NELL1: variants seen among roughly 807,000 people sequenced by gnomAD.
NELL1 encodes the protein protein kinase C-binding protein NELL1.
A neutral mutation model predicts 107.4 loss-of-function variants in NELL1; 76 were observed. The ratio of observed to expected loss-of-function variants is 0.71; its 90% CI spans 0.59 to 0.86. The LOEUF (loss-of-function observed/expected upper bound fraction) is 0.86. NELL1 is among the 40% of genes least tolerant of loss of function. NELL1 has a pLI of 0.00. For synonymous variants in NELL1, 353 were observed against 341.2 expected (o/e 1.03, Z -0.38); for missense variants, 1,024 against 1,005.5 (o/e 1.02, Z -0.25).
intron 16 of NELL1, among the ~76,000 whole-genome samples, chr11:21,554,358 G>A (rs905927872): frequency 6.6e-6 from 1 of 151,822 alleles, no homozygotes; most frequent in African/African-American, 2.4e-5. Flanking sequence ...TCAGATTAAG[G>A]CTCAGAGAAA....
chr11:20,768,502 A>G (rs1022914173), intron 2 of NELL1, among the ~76,000 whole-genome samples: 3 of 152,226 alleles, frequency 2.0e-5, no homozygotes, highest in African/African-American at 7.2e-5. Context: ...CCTCCTTCCC[A>G]GTGATGGCCA....
At chr11:21,330,285 C>A (rs1369253730) in intron 14 of NELL1, among the ~76,000 whole-genome samples, 2 of 152,068 alleles carry the variant, frequency 1.3e-5, no homozygotes, top group African/African-American at 2.4e-5. Context: ...TTTATACTGT[C>A]TTTAAAAATT....
At chr11:21,571,589 C>T (rs552746940) in intron 18 of NELL1, among the ~76,000 whole-genome samples, 1 of 151,702 alleles carries the variant, frequency 6.6e-6, no homozygotes, top group African/African-American at 2.4e-5. Context: ...TTAATACTTC[C>T]TACCTTGAAA....
At chr11:21,279,438 G>C (rs74862758) in intron 14 of NELL1, among the ~76,000 whole-genome samples, 2,267 of 152,146 alleles carry the variant, frequency 0.015, 71 homozygotes, top group African/African-American at 0.052. Flanking sequence ...TGAACAACCT[G>C]ATTAAAAAAT....
At chr11:20,954,064 C>G (rs184856967) in intron 11 of NELL1, among the ~76,000 whole-genome samples, 171 of 152,284 alleles carry the variant, frequency 1.1e-3, no homozygotes, top group African/African-American at 4.0e-3. Context: ...CTCTGTGTAC[C>G]TTCCACAAGT....
At chr11:20,987,685 C>T (rs1851880744) in intron 12 of NELL1, among the ~76,000 whole-genome samples, 1 of 152,166 alleles carries the variant, frequency 6.6e-6, no homozygotes, top group African/African-American at 2.4e-5. Flanking sequence ...ATGGGAACTA[C>T]AGTTCAAGAT....
chr11:21,113,826 C>T, intron 13 of NELL1, 112 bp downstream of exon 13: 2 of 1,123,474 alleles, frequency 1.8e-6, no homozygotes, highest in Non-Finnish European at 1.2e-6. Flanking sequence ...CTAAATAGTT[C>T]TTCTCTTTAT....
At chr11:20,894,770 C>T (rs1849689459) in intron 5 of NELL1, among the ~76,000 whole-genome samples, 1 of 152,112 alleles carries the variant, frequency 6.6e-6, no homozygotes. Flanking sequence ...ACTCTAGGTA[C>T]CTAATGTCTA....
intron 15 of NELL1, among the ~76,000 whole-genome samples, chr11:21,529,435 G>C (rs1485661585): frequency 6.6e-6 from 1 of 152,170 alleles, no homozygotes; most frequent in African/African-American, 2.4e-5. Context: ...GTCTTTGCAT[G>C]TTATGTTCAG....
intron 16 of NELL1, among the ~76,000 whole-genome samples, chr11:21,552,368 G>A (rs573270771): frequency 4.6e-4 from 70 of 151,842 alleles, no homozygotes; most frequent in African/African-American, 1.5e-3. Context: ...ATTTATCAGA[G>A]AGTCTGCTCA....
At chr11:21,198,449 G>A (rs923799784) in intron 13 of NELL1, among the ~76,000 whole-genome samples, 7 of 152,188 alleles carry the variant, frequency 4.6e-5, no homozygotes, top group African/African-American at 1.7e-4. Context: ...ATATTATGAT[G>A]TCCATTTTTG....
At chr11:20,687,535 G>A (rs1854337357) in intron 2 of NELL1, among the ~76,000 whole-genome samples, 1 of 151,854 alleles carries the variant, frequency 6.6e-6, no homozygotes, top group Non-Finnish European at 1.5e-5. Context: ...TGAATATTAG[G>A]AAGATAATGT....
intron 13 of NELL1, among the ~76,000 whole-genome samples, chr11:21,153,101 G>A (rs952220872): frequency 6.6e-6 from 1 of 152,064 alleles, no homozygotes; most frequent in Non-Finnish European, 1.5e-5. Context: ...CCCTCTTAAC[G>A]TTCTTAGAGT....
chr11:21,202,529 A>C (rs1175018673), intron 13 of NELL1, among the ~76,000 whole-genome samples: 1 of 151,970 alleles, frequency 6.6e-6, no homozygotes, highest in Non-Finnish European at 1.5e-5. Context: ...CTTCTTTATT[A>C]GTCTGGCTAG....
chr11:21,573,711 A>C (rs1418855335), intron 19 of NELL1, among the ~76,000 whole-genome samples: 1 of 151,858 alleles, frequency 6.6e-6, no homozygotes, highest in Non-Finnish European at 1.5e-5. Context: ...TGCATATTAA[A>C]TAAAAAGAAA....
At position 21,158,016 on chromosome 11, in the gene NELL1, C is replaced by A. The variant is rs1361763430; in HGVS notation, c.1426+44302C>A. On this transcript the variant is annotated intron_variant, in intron 13 of 19. Coordinates refer to ENST00000357134, the MANE Select transcript of NELL1 (RefSeq NM_006157.5). ...CAGACCCATCTTCAGTCTGGGTGGG[C>A]ACCATCTAATCATCTGCCAGTGTGG... Among the ~76,000 whole-genome samples the A allele has an allele frequency of 3.9e-5, 6 of 152,058 alleles. No homozygotes were observed. In the South Asian group the frequency reaches 1.2e-3, roughly 32 times the overall value.
chr11:20,931,525 A>G (rs144910046), intron 9 of NELL1, among the ~76,000 whole-genome samples: 168 of 152,358 alleles, frequency 1.1e-3, no homozygotes, highest in African/African-American at 3.9e-3. Flanking sequence ...ATTTCAAAAT[A>G]TCATGCTGTA....
chr11:21,127,677 C>T (rs1483897720), intron 13 of NELL1, among the ~76,000 whole-genome samples: 1 of 152,042 alleles, frequency 6.6e-6, no homozygotes, highest in Non-Finnish European at 1.5e-5. Flanking sequence ...ATGACGACAA[C>T]CTCTATTAAC....
At chr11:20,991,487 C>T (rs993536238) in intron 12 of NELL1, among the ~76,000 whole-genome samples, 10 of 152,166 alleles carry the variant, frequency 6.6e-5, no homozygotes, top group African/African-American at 2.4e-4. Context: ...GAGGCCCTGC[C>T]ATAGGCAAGT....
Sources: gnomAD v4.1 joint callset for allele counts (sites outside exome capture counted in the v4.1 genomes callset) on GRCh38, gnomAD v4.1.1 for gene constraint, MANE v1.5 for transcripts, NCBI Gene and HGNC (gene_info 2026-07-23, HGNC 2026-07-21) for gene names.